The following DPP10 variants were observed in gnomAD, a reference collection of about 807,000 sequenced individuals.
The protein encoded by DPP10 is dipeptidyl peptidase like 10.
DPP10 carries 33 observed loss-of-function variants against 120.9 expected under a neutral mutation model. That is an observed-to-expected ratio of 0.27 (90% CI 0.21 to 0.37). The LOEUF is 0.37. Ranked by LOEUF, DPP10 falls within the 10% of genes least tolerant of loss-of-function variation. DPP10 has a pLI of 1.00. For missense variants in DPP10, 816 were observed against 942.8 expected (o/e 0.87, Z 1.76); for synonymous variants, 337 against 326.1 (o/e 1.03, Z -0.36).
intron 1 of DPP10, among the ~76,000 whole-genome samples, chr2:114,814,839 T>C (rs964653584): frequency 2.6e-5 from 4 of 152,220 alleles, no homozygotes; most frequent in African/African-American, 9.6e-5. Flanking sequence ...TCCTTCCCTC[T>C]TTCCTTCAGT....
intron 1 of DPP10, among the ~76,000 whole-genome samples, chr2:114,879,137 T>G (rs2106590940): frequency 6.6e-6 from 1 of 152,098 alleles, no homozygotes; most frequent in South Asian, 2.1e-4. Context: ...GTAAATTCTT[T>G]TTTTTTTTTC....
chr2:115,497,342 C>T (rs1575020993), intron 3 of DPP10, among the ~76,000 whole-genome samples: 1 of 152,122 alleles, frequency 6.6e-6, no homozygotes, highest in Non-Finnish European at 1.5e-5. Context: ...GTTCGCTTGG[C>T]CAATACCCAA....
At chr2:115,748,314 A>G (rs1243191623) in intron 10 of DPP10, among the ~76,000 whole-genome samples, 2 of 151,758 alleles carry the variant, frequency 1.3e-5, no homozygotes, top group Non-Finnish European at 2.9e-5. Flanking sequence ...CAATAAGTGA[A>G]TCATATTATG....
At chr2:114,698,162 A>G (rs1281675498) in intron 1 of DPP10, among the ~76,000 whole-genome samples, 1 of 152,056 alleles carries the variant, frequency 6.6e-6, no homozygotes, top group East Asian at 1.9e-4. Flanking sequence ...CTGCTCTTAT[A>G]ACATCATTAA....
intron 5 of DPP10, among the ~76,000 whole-genome samples, chr2:115,652,129 G>A (rs977444051): frequency 3.9e-5 from 6 of 151,930 alleles, no homozygotes; most frequent in African/African-American, 1.2e-4. Context: ...AAAATAGCTG[G>A]AATAGTTGGA....
chr2:115,799,541 G>A (rs1164841009), intron 19 of DPP10, among the ~76,000 whole-genome samples: 3 of 150,618 alleles, frequency 2.0e-5, no homozygotes, highest in East Asian at 2.0e-4. Flanking sequence ...CCATTAACAC[G>A]TCATTTAGCA....
intron 5 of DPP10, among the ~76,000 whole-genome samples, chr2:115,685,336 G>T (rs192398144): frequency 2.4e-3 from 360 of 151,836 alleles, no homozygotes; most frequent in Non-Finnish European, 3.1e-3. Flanking sequence ...TTTCTATGAC[G>T]TACTCATAAA....
chr2:115,228,843 G>T (rs115853712), intron 1 of DPP10, among the ~76,000 whole-genome samples: 43 of 152,262 alleles, frequency 2.8e-4, no homozygotes, highest in Admixed American at 5.2e-4. Context: ...AAACATAGAA[G>T]TGCAGGTATC....
chr2:115,338,594 G>T (rs1284341420), intron 2 of DPP10, among the ~76,000 whole-genome samples: 1 of 151,988 alleles, frequency 6.6e-6, no homozygotes, highest in Admixed American at 6.6e-5. Context: ...CCAAGCAGCT[G>T]GGATTATAGA....
At chr2:114,996,842 C>T (rs886718403) in intron 1 of DPP10, among the ~76,000 whole-genome samples, 3 of 151,606 alleles carry the variant, frequency 2.0e-5, no homozygotes, top group African/African-American at 4.9e-5. Context: ...ATTAGCTGGG[C>T]GTGGTGGCGC....
chr2:114,651,302 G>A (rs1696564866), intron 1 of DPP10, among the ~76,000 whole-genome samples: 1 of 151,820 alleles, frequency 6.6e-6, no homozygotes, highest in Non-Finnish European at 1.5e-5. Context: ...TTCCAAGTAA[G>A]TCTGCATTAC....
At chr2:114,516,748 G>A (rs1008439377) in intron 1 of DPP10, among the ~76,000 whole-genome samples, 1 of 152,182 alleles carries the variant, frequency 6.6e-6, no homozygotes, top group Non-Finnish European at 1.5e-5. Context: ...AAACTCAAAA[G>A]AGAGTATTTC....
intron 5 of DPP10, among the ~76,000 whole-genome samples, chr2:115,655,220 T>C (rs1386898298): frequency 6.6e-6 from 1 of 151,660 alleles, no homozygotes; most frequent in Non-Finnish European, 1.5e-5. Context: ...CTTTTTAGGC[T>C]TTATTTAATT....
At chr2:115,540,259 T>G (rs2079099661) in intron 5 of DPP10, among the ~76,000 whole-genome samples, 1 of 151,986 alleles carries the variant, frequency 6.6e-6, no homozygotes, top group African/African-American at 2.4e-5. Context: ...TTATGATGCT[T>G]AATTCTACTT....
intron 5 of DPP10, among the ~76,000 whole-genome samples, chr2:115,644,832 G>A (rs2087101442): frequency 6.6e-6 from 1 of 152,030 alleles, no homozygotes; most frequent in South Asian, 2.1e-4. Context: ...TTTGGTGTGG[G>A]TGGAGTTAAC....
At chr2:115,838,835 A>C (rs952890659) in intron 24 of DPP10, among the ~76,000 whole-genome samples, 1 of 152,078 alleles carries the variant, frequency 6.6e-6, no homozygotes, top group African/African-American at 2.4e-5. Flanking sequence ...CATACCACAC[A>C]ACCCATACGG....
At position 115,414,551 on chromosome 2, in the gene DPP10, T is replaced by C. The variant is rs146205335; in HGVS notation, c.271+70639T>C. Among the ~76,000 whole-genome samples the C allele has an allele frequency of 4.0e-3, 610 of 152,302 alleles. 3 individuals are homozygous for C. Among genetic ancestry groups the C allele is most frequent in the African/African-American group, 0.014 (565 of 41,578 alleles). On this transcript the variant is annotated intron_variant, in intron 3 of 25. Transcript: ENST00000410059. ...CTTTTATTTCTACAGTGTATATTTT[T>C]ATGAAACTGATATGTATTTTTTTAG...
At chr2:115,692,467 G>A (rs1201981055) in intron 7 of DPP10, among the ~76,000 whole-genome samples, 1 of 151,908 alleles carries the variant, frequency 6.6e-6, no homozygotes, top group African/African-American at 2.4e-5. Context: ...TTTGAACTAT[G>A]TTGTAAAGAA....
intron 1 of DPP10, among the ~76,000 whole-genome samples, chr2:114,908,841 A>G (rs930117721): frequency 1.3e-5 from 2 of 151,688 alleles, no homozygotes; most frequent in African/African-American, 4.8e-5. Flanking sequence ...ATAAGTACAT[A>G]TTGATCCTGA....
Sources: allele counts gnomAD v4.1 joint callset (sites outside exome capture counted in the v4.1 genomes callset), GRCh38; gene constraint gnomAD v4.1.1; transcripts MANE v1.5; gene names NCBI Gene and HGNC (gene_info 2026-07-23, HGNC 2026-07-21).